Variants in MGAT5 observed in about 807,000 individuals in gnomAD.
MGAT5 encodes alpha-1,6-mannosylglycoprotein 6-beta-N-acetylglucosaminyltransferase A.
A neutral mutation model predicts 94.3 loss-of-function variants in MGAT5; 30 were observed. The ratio of observed to expected loss-of-function variants is 0.32; its 90% CI spans 0.24 to 0.43. The LOEUF (loss-of-function observed/expected upper bound fraction) is 0.43. MGAT5 is among the 20% of genes least tolerant of loss of function. The probability of loss-of-function intolerance (pLI) is 1.00; values close to 1 mark genes in which losing one functional copy is unlikely to be tolerated. For synonymous variants in MGAT5, 310 were observed against 322.9 expected (o/e 0.96, Z 0.43); for missense variants, 691 against 905.5 (o/e 0.76, Z 3.04).
At chr2:134,370,545 A>T (rs1331816881) in intron 10 of MGAT5, among the ~76,000 whole-genome samples, 1 of 152,272 alleles carries the variant, frequency 6.6e-6, no homozygotes. Flanking sequence ...GGTAAAAGTC[A>T]GAAAAGATCT....
At chr2:134,334,496 C>CTTTTTTTTTTTTTTTTTTTTTTTTTTT (rs59933611) in intron 4 of MGAT5, among the ~76,000 whole-genome samples, 1 of 34,112 alleles carries the variant, frequency 2.9e-5, no homozygotes, top group African/African-American at 1.2e-4. Flanking sequence ...CTTGCTCATC[C>CTTTTTTTTTTTTTTTTTTTTTTTTTTT]TTTTTTTTTT....
At chr2:134,418,329 G>C (rs1313910471) in intron 12 of MGAT5, among the ~76,000 whole-genome samples, 1 of 152,200 alleles carries the variant, frequency 6.6e-6, no homozygotes, top group Non-Finnish European at 1.5e-5. Context: ...GGTTCCTCCT[G>C]TCCCTTCAAC....
intron 1 of MGAT5, among the ~76,000 whole-genome samples, chr2:134,195,935 C>G (rs1328760929): frequency 6.6e-6 from 1 of 152,154 alleles, no homozygotes; most frequent in Non-Finnish European, 1.5e-5. Flanking sequence ...TGATCTCCAG[C>G]AAGTCACTTA....
chr2:134,201,867 CCA>C (rs1679805787), intron 1 of MGAT5, among the ~76,000 whole-genome samples: 1 of 140,794 alleles, frequency 7.1e-6, no homozygotes, highest in African/African-American at 2.7e-5. Context: ...GACTATCCCT[CCA>C]AAAGCTGCTG....
chr2:134,206,436 G>A (rs947937170), intron 1 of MGAT5, among the ~76,000 whole-genome samples: 3 of 152,198 alleles, frequency 2.0e-5, no homozygotes, highest in Non-Finnish European at 4.4e-5. Flanking sequence ...AGAGACAGGA[G>A]CTGTATTAAT....
intron 1 of MGAT5, among the ~76,000 whole-genome samples, chr2:134,225,639 A>T (rs1157850710): frequency 1.3e-5 from 2 of 152,192 alleles, no homozygotes; most frequent in African/African-American, 4.8e-5. Context: ...ATTATCTTCC[A>T]TGAGGTCTCA....
chr2:134,338,593 C>T (rs1429173521), intron 6 of MGAT5, among the ~76,000 whole-genome samples, 173 bp downstream of exon 6: 2 of 152,144 alleles, frequency 1.3e-5, no homozygotes, highest in Non-Finnish European at 2.9e-5. Flanking sequence ...ACTTACAATG[C>T]TCCCACTTAG....
chr2:134,348,501 G>T (rs993243826), intron 8 of MGAT5, among the ~76,000 whole-genome samples: 4 of 152,118 alleles, frequency 2.6e-5, no homozygotes, highest in Non-Finnish European at 4.4e-5. Context: ...GAAAATTTTT[G>T]AGTATACTTC....
intron 15 of MGAT5, among the ~76,000 whole-genome samples, chr2:134,446,918 T>C (rs898058721): frequency 4.6e-5 from 7 of 152,154 alleles, no homozygotes; most frequent in African/African-American, 1.7e-4. Flanking sequence ...GCTGACAGCC[T>C]GGGAGATCTC....
Position 134,254,291 on chromosome 2 carries a change from T to C in MGAT5, c.-113T>C. Reference sequence around the variant, plus strand: ...ATGGAAGTGAGGAAAGGCAACCAGCTGACACAGGAGCCAGAGTGAGACCAG... The same window carrying C: ...ATGGAAGTGAGGAAAGGCAACCAGCCGACACAGGAGCCAGAGTGAGACCAG... On this transcript the variant is annotated 5_prime_UTR_variant, in exon 1 of 16. Transcript: ENST00000281923. 7.3e-7 allele frequency: 1 copy of C among 1,377,510 alleles called. No homozygotes were observed. Among genetic ancestry groups the C allele is most frequent in the Non-Finnish European group, 9.9e-7 (1 of 1,012,676 alleles). The allele number at this position is 1,377,510 out of a possible 1,614,324, so 85.3% of individuals were successfully genotyped here.
chr2:134,296,017 G>C (rs1685651749), intron 2 of MGAT5, among the ~76,000 whole-genome samples: 1 of 152,124 alleles, frequency 6.6e-6, no homozygotes, highest in Admixed American at 6.6e-5. Context: ...GGAGTGTTTG[G>C]CAGCCTCATG....
At chr2:134,329,218 G>T (rs147323727) in intron 4 of MGAT5, among the ~76,000 whole-genome samples, 2,567 of 152,216 alleles carry the variant, frequency 0.017, 42 homozygotes, top group Non-Finnish European at 0.023. Context: ...GTAGGGCAGG[G>T]TGAATGAGGC....
chr2:134,216,283 T>A (rs951514009), intron 1 of MGAT5, among the ~76,000 whole-genome samples: 2 of 152,164 alleles, frequency 1.3e-5, no homozygotes, highest in African/African-American at 4.8e-5. Flanking sequence ...GGCCAGTCAG[T>A]GGGTGAAAGA....
intron 2 of MGAT5, among the ~76,000 whole-genome samples, chr2:134,274,450 A>G (rs1249492885): frequency 6.6e-6 from 1 of 150,750 alleles, no homozygotes; most frequent in East Asian, 2.0e-4. Context: ...CTTCCCATCA[A>G]TGGTTATGGG....
rs7574111 is a variant in MGAT5, at chr2:134,396,395, C to T, written c.1381-6593C>T. On this transcript the variant is annotated intron_variant, in intron 10 of 15. Coordinates refer to ENST00000281923, the MANE Select transcript of MGAT5 (RefSeq NM_002410.5). ...TTCATCTTTGTTGAATTTTAGACTTCAGGAGCAAGCAGATGAGGTAGTTTC... is the reference window on the plus strand; with the variant it reads ...TTCATCTTTGTTGAATTTTAGACTTTAGGAGCAAGCAGATGAGGTAGTTTC... Among the ~76,000 whole-genome samples, 1,350 of 152,236 alleles carry T rather than the reference C, an allele frequency of 8.9e-3. 19 individuals are homozygous for T. Among genetic ancestry groups the T allele is most frequent in the African/African-American group, 0.031 (1,271 of 41,540 alleles).
At chr2:134,128,761 G>A (rs537177114) in intron 1 of MGAT5, among the ~76,000 whole-genome samples, 38 of 152,174 alleles carry the variant, frequency 2.5e-4, no homozygotes, top group East Asian at 5.8e-4. Context: ...GGAGAGACAC[G>A]AGTCTTACTA....
At chr2:134,275,990 T>C in intron 2 of MGAT5, among the ~76,000 whole-genome samples, 1 of 152,210 alleles carries the variant, frequency 6.6e-6, no homozygotes, top group East Asian at 1.9e-4. Flanking sequence ...ATGTCAATTG[T>C]GGCAGGTTTG....
chr2:134,354,701 C>T (rs983296777), intron 9 of MGAT5, among the ~76,000 whole-genome samples: 6 of 152,176 alleles, frequency 3.9e-5, no homozygotes, highest in Non-Finnish European at 7.3e-5. Context: ...TCCACATAAA[C>T]TATTCCTGAC....
chr2:134,381,358 G>C (rs1236682719), intron 10 of MGAT5, among the ~76,000 whole-genome samples: 3 of 84,158 alleles, frequency 3.6e-5, no homozygotes, highest in African/African-American at 1.4e-4. Flanking sequence ...TAGATAGATA[G>C]ATAGATAGAT....
Sources: allele counts gnomAD v4.1 joint callset (sites outside exome capture counted in the v4.1 genomes callset), GRCh38; gene constraint gnomAD v4.1.1; transcripts MANE v1.5; gene names NCBI Gene and HGNC (gene_info 2026-07-23, HGNC 2026-07-21).